Variants in ITPRID1 observed in about 807,000 individuals in gnomAD.
The protein encoded by ITPRID1 is protein ITPRID1.
Under a neutral mutation model 95.4 loss-of-function variants are expected in ITPRID1, and 96 were observed. The ratio of observed to expected loss-of-function variants is 1.01; its 90% CI spans 0.85 to 1.19. The LOEUF (loss-of-function observed/expected upper bound fraction) is 1.19. Ranked by LOEUF, ITPRID1 falls within the 50% of genes most tolerant of loss-of-function variation. ITPRID1 has a pLI of 0.00. For missense variants in ITPRID1, 1,339 were observed against 1,252.9 expected, an observed-to-expected ratio of 1.07 and a Z score of -1.04; for synonymous variants, 510 against 453.6, an observed-to-expected ratio of 1.12 and a Z score of -1.58.
rs1441078388 is a variant in ITPRID1, at chr7:31,603,198, T to A, written c.1228+20007T>A. 3.9e-5 allele frequency among the ~76,000 whole-genome samples: 6 copies of A among 152,228 alleles called. No homozygotes were observed. In the East Asian group the frequency reaches 1.2e-3, roughly 30 times the overall value. ...TCAATCAGAGATGTAACCACCTCCA[T>A]CTGGCACATTATGACATGGAACCTC... On this transcript the variant is annotated intron_variant, in intron 10 of 14. Transcript: ENST00000615280.
intron 12 of ITPRID1, 48 bp from the exon 13 acceptor site, chr7:31,651,094 A>G (rs772000355): frequency 1.3e-6 from 2 of 1,587,128 alleles, no homozygotes; most frequent in African/African-American, 2.7e-5. Context: ...GAGCTCTTGC[A>G]GAGGATCAGA....
At chr7:31,580,532 A>G (rs1278080814) in intron 9 of ITPRID1, among the ~76,000 whole-genome samples, 1 of 152,180 alleles carries the variant, frequency 6.6e-6, no homozygotes, top group African/African-American at 2.4e-5. Context: ...TAAATTTTAT[A>G]TAACTAAATA....
chr7:31,599,202 C>T (rs1443223592), intron 10 of ITPRID1, among the ~76,000 whole-genome samples: 4 of 152,050 alleles, frequency 2.6e-5, no homozygotes, highest in African/African-American at 4.8e-5. Flanking sequence ...CATTATGTAT[C>T]GTACTCATAA....
intron 5 of ITPRID1, among the ~76,000 whole-genome samples, chr7:31,555,961 G>T (rs1784431966): frequency 6.6e-6 from 1 of 152,098 alleles, no homozygotes; most frequent in South Asian, 2.1e-4. Context: ...TAAATCAAAT[G>T]TAAGTACCTC....
Position 31,643,541 on chromosome 7 carries a change from T to C in ITPRID1, c.2171T>C (p.Val724Ala). 1 of 1,614,038 alleles carries C rather than the reference T, an allele frequency of 6.2e-7. No homozygotes were observed. Among genetic ancestry groups the C allele is most frequent in the Non-Finnish European group, 8.5e-7 (1 of 1,179,894 alleles). The change falls in exon 12 of 15, where the codon GTG becomes GCG. Residue 724 changes from valine to alanine, a missense_variant. Coordinates refer to ENST00000615280, the MANE Select transcript of ITPRID1 (RefSeq NM_001257967.3). The part of the protein sequence containing the change: ...SSLVSAAQRA[V>A]ALGTGPRGTS... ...CTGGTGTCGGCTGCTCAGAGGGCTG[T>C]GGCCTTGGGGACTGGTCCCAGAGGA...
In ITPRID1 at chr7:31,549,631, C is replaced by T. The variant is rs143420740; in HGVS notation, c.-24+132C>T. 4.1e-3 allele frequency: 2,378 copies of T among 574,028 alleles called. 11 individuals are homozygous for T. The highest frequency in any genetic ancestry group is 4.6e-3 in the Non-Finnish European group (1,626 of 352,430). The allele number at this position is 574,028 out of a possible 1,614,324, so 35.6% of individuals were successfully genotyped here. A position where few individuals can be genotyped will look rare whatever the true frequency, so the allele number is the denominator to read the frequency against. ...AAAATTTCCCCAAGATGTCAGAAAG[C>T]AGCAGAGCTGATATTAAAATCCAGA... On this transcript the variant is annotated intron_variant, in intron 2 of 14. Coordinates refer to ENST00000615280, the MANE Select transcript of ITPRID1 (RefSeq NM_001257967.3).
intron 10 of ITPRID1, among the ~76,000 whole-genome samples, chr7:31,615,151 G>A (rs563565199): frequency 6.6e-6 from 1 of 152,198 alleles, no homozygotes; most frequent in Admixed American, 6.5e-5. Context: ...AGAAACAAGG[G>A]TGATCTAGGT....
intron 10 of ITPRID1, among the ~76,000 whole-genome samples, chr7:31,633,482 C>T (rs1283297188): frequency 6.6e-6 from 1 of 152,172 alleles, no homozygotes; most frequent in African/African-American, 2.4e-5. Flanking sequence ...ACCTGGGGAA[C>T]ATAGAGAGGT....
At chr7:31,517,011 C>A (rs1783064548) in intron 1 of ITPRID1, among the ~76,000 whole-genome samples, 1 of 152,142 alleles carries the variant, frequency 6.6e-6, no homozygotes, top group South Asian at 2.1e-4. Flanking sequence ...AACTACAGAC[C>A]TCTACCGTGT....
At chr7:31,519,925 C>G (rs544997455) in intron 1 of ITPRID1, among the ~76,000 whole-genome samples, 1 of 151,060 alleles carries the variant, frequency 6.6e-6, no homozygotes, top group Non-Finnish European at 1.5e-5. Flanking sequence ...TAACTAAGTC[C>G]GCCTTTATTT....
intron 10 of ITPRID1, among the ~76,000 whole-genome samples, chr7:31,631,413 A>G (rs1788983126): frequency 6.6e-6 from 1 of 152,248 alleles, no homozygotes; most frequent in Admixed American, 6.5e-5. Context: ...AATGTGCACA[A>G]ACAAAATGCC....
At chr7:31,635,851 C>T (rs1354884502) in intron 10 of ITPRID1, among the ~76,000 whole-genome samples, 2 of 151,918 alleles carry the variant, frequency 1.3e-5, no homozygotes, top group Non-Finnish European at 2.9e-5. Flanking sequence ...GGTGATTGGC[C>T]GATAGGTGCA....
At chr7:31,577,008 G>A (rs1404630627) in intron 8 of ITPRID1, among the ~76,000 whole-genome samples, 3 of 150,456 alleles carry the variant, frequency 2.0e-5, no homozygotes, top group Non-Finnish European at 2.9e-5. Flanking sequence ...AGTCAATACT[G>A]TACTTGCATA....
intron 10 of ITPRID1, among the ~76,000 whole-genome samples, chr7:31,602,608 G>C (rs1171793255): frequency 1.3e-5 from 2 of 152,154 alleles, no homozygotes; most frequent in Non-Finnish European, 2.9e-5. Flanking sequence ...GTCGTTGGAA[G>C]CTTGCACTGG....
chr7:31,615,597 AT>A, intron 10 of ITPRID1, among the ~76,000 whole-genome samples: 1 of 152,126 alleles, frequency 6.6e-6, no homozygotes, highest in East Asian at 1.9e-4. Flanking sequence ...ACATTAAGTA[AT>A]TTTTTAAAAT....
chr7:31,522,871 G>A (rs1223609358), intron 1 of ITPRID1, among the ~76,000 whole-genome samples: 2 of 152,202 alleles, frequency 1.3e-5, no homozygotes, highest in Non-Finnish European at 2.9e-5. Context: ...GACTGCATAT[G>A]AGCCACATTT....
At chr7:31,519,155 A>G (rs1297318264) in intron 1 of ITPRID1, among the ~76,000 whole-genome samples, 1 of 152,132 alleles carries the variant, frequency 6.6e-6, no homozygotes, top group Non-Finnish European at 1.5e-5. Context: ...CCTACACAAC[A>G]TGGTAGTGAT....
At chr7:31,593,976 C>T (rs866973496) in intron 10 of ITPRID1, among the ~76,000 whole-genome samples, 1 of 152,146 alleles carries the variant, frequency 6.6e-6, no homozygotes, top group African/African-American at 2.4e-5. Context: ...TCTATACACT[C>T]CTTTGTATTA....
intron 10 of ITPRID1, among the ~76,000 whole-genome samples, chr7:31,615,709 T>C (rs1787140511): frequency 6.6e-6 from 1 of 151,970 alleles, no homozygotes; most frequent in African/African-American, 2.4e-5. Flanking sequence ...AAGTGACCAA[T>C]TGAAGGCTAA....
Sources: allele counts gnomAD v4.1 joint callset (sites outside exome capture counted in the v4.1 genomes callset), GRCh38; gene constraint gnomAD v4.1.1; transcripts MANE v1.5; gene names NCBI Gene and HGNC (gene_info 2026-07-23, HGNC 2026-07-21).